GSG1L: variants seen among roughly 807,000 people sequenced by gnomAD.
GSG1L encodes GSG1 like.
Under a neutral mutation model 42.1 loss-of-function variants are expected in GSG1L, and 24 were observed. The observed-to-expected ratio is 0.57, with a 90% confidence interval of 0.41 to 0.80. GSG1L has a LOEUF of 0.80. Among genes scored for constraint, GSG1L ranks in the 30% least tolerant of loss-of-function variants. GSG1L has a pLI of 0.00. For missense variants in GSG1L, 445 were observed against 472.2 expected, an observed-to-expected ratio of 0.94 and a Z score of 0.53; for synonymous variants, 215 against 203.5, an observed-to-expected ratio of 1.06 and a Z score of -0.48.
At chr16:27,813,725 C>T (rs2083060085) in intron 5 of GSG1L, among the ~76,000 whole-genome samples, 1 of 152,218 alleles carries the variant, frequency 6.6e-6, no homozygotes, top group Non-Finnish European at 1.5e-5. Context: ...TAGGGCTTGG[C>T]AGTGGTTCTG....
intron 1 of GSG1L, among the ~76,000 whole-genome samples, chr16:27,977,234 T>C (rs1252349338): frequency 2.6e-5 from 4 of 152,106 alleles, no homozygotes; most frequent in African/African-American, 9.7e-5. Context: ...TGGACTTAAG[T>C]CCTTATCTGT....
At chr16:27,921,797 T>C (rs371113490) in intron 2 of GSG1L, among the ~76,000 whole-genome samples, 2 of 152,262 alleles carry the variant, frequency 1.3e-5, no homozygotes, top group South Asian at 2.1e-4. Context: ...GGCAGCCCCT[T>C]CTCAAGTTGA....
intron 1 of GSG1L, among the ~76,000 whole-genome samples, chr16:28,042,172 G>A (rs1471301697): frequency 2.0e-5 from 3 of 152,072 alleles, no homozygotes; most frequent in East Asian, 1.9e-4. Context: ...GCAGTGGTTC[G>A]TGCCTGTAAT....
intron 4 of GSG1L, among the ~76,000 whole-genome samples, chr16:27,837,372 A>G (rs1489045749): frequency 6.6e-6 from 1 of 151,964 alleles, no homozygotes; most frequent in East Asian, 1.9e-4. Context: ...GATTTGTACA[A>G]GCCTAACCAT....
chr16:27,929,655 A>C (rs2084634309), intron 2 of GSG1L, among the ~76,000 whole-genome samples: 1 of 152,166 alleles, frequency 6.6e-6, no homozygotes, highest in Non-Finnish European at 1.5e-5. Context: ...GAGCCCATAA[A>C]TTCCCTTTTT....
intron 1 of GSG1L, among the ~76,000 whole-genome samples, chr16:28,038,565 T>C (rs943261466): frequency 5.9e-5 from 9 of 152,112 alleles, no homozygotes; most frequent in Admixed American, 2.6e-4. Context: ...AGTGTGGAAT[T>C]GGTACTACGG....
intron 4 of GSG1L, among the ~76,000 whole-genome samples, chr16:27,838,101 T>C (rs185652661): frequency 1.3e-5 from 2 of 152,360 alleles, no homozygotes; most frequent in East Asian, 3.9e-4. Context: ...TGTTTGTTTT[T>C]TAAGATTATC....
Position 27,818,087 on chromosome 16 carries a change from C to T in GSG1L, c.831-10533G>A, listed in dbSNP as rs557475940. Among the ~76,000 whole-genome samples, 143 of 152,326 alleles carry T rather than the reference C, an allele frequency of 9.4e-4. 1 individual carries two copies. The highest frequency in any genetic ancestry group is 5.9e-3 in the Admixed American group (90 of 15,304). On this transcript the variant is annotated intron_variant, in intron 5 of 6. Transcript: ENST00000447459. ...TGAGCAGGCTTCCAGGTGAGGCCAG[C>T]GCTGCTGGGTCCAGGCTTTGGCCAG...
chr16:27,973,121 T>C (rs2085211664), intron 1 of GSG1L, among the ~76,000 whole-genome samples: 1 of 152,084 alleles, frequency 6.6e-6, no homozygotes, highest in South Asian at 2.1e-4. Context: ...AGACTCAACA[T>C]GGGCAAAGAG....
At chr16:27,999,310 G>C (rs925524511) in intron 1 of GSG1L, among the ~76,000 whole-genome samples, 1 of 152,090 alleles carries the variant, frequency 6.6e-6, no homozygotes, top group Non-Finnish European at 1.5e-5. Flanking sequence ...GTGTGTGGTG[G>C]TGCATGCCTG....
intron 2 of GSG1L, among the ~76,000 whole-genome samples, chr16:27,953,160 G>A (rs1459158051): frequency 6.6e-6 from 1 of 152,144 alleles, no homozygotes; most frequent in African/African-American, 2.4e-5. Flanking sequence ...CATGATTACA[G>A]CTCACTGCAA....
intron 5 of GSG1L, among the ~76,000 whole-genome samples, chr16:27,810,972 A>C (rs779673060): frequency 6.6e-6 from 1 of 152,084 alleles, no homozygotes; most frequent in African/African-American, 2.4e-5. Flanking sequence ...ACAGGTGTGA[A>C]CCACCACGCC....
chr16:27,927,466 C>T (rs1211439968), intron 2 of GSG1L, among the ~76,000 whole-genome samples: 2 of 152,098 alleles, frequency 1.3e-5, no homozygotes, highest in East Asian at 1.9e-4. Flanking sequence ...TCACCTGGAC[C>T]GGCCTCACCT....
intron 3 of GSG1L, among the ~76,000 whole-genome samples, chr16:27,849,448 G>A (rs533992927): frequency 6.6e-5 from 10 of 152,268 alleles, no homozygotes; most frequent in East Asian, 3.9e-4. Context: ...AGGTAAGCCC[G>A]GCTGACAGGC....
At chr16:27,881,301 G>A (rs1355006113) in intron 3 of GSG1L, among the ~76,000 whole-genome samples, 2 of 135,802 alleles carry the variant, frequency 1.5e-5, no homozygotes, top group Non-Finnish European at 3.0e-5. Flanking sequence ...GAGTGCAGCT[G>A]TGCGATCTCG....
intron 1 of GSG1L, among the ~76,000 whole-genome samples, chr16:28,035,915 G>C (rs1275824007): frequency 6.6e-6 from 1 of 152,180 alleles, no homozygotes; most frequent in Non-Finnish European, 1.5e-5. Flanking sequence ...TAATCCATGT[G>C]GGATTCATTT....
At chr16:27,860,286 G>A (rs965645196) in intron 3 of GSG1L, among the ~76,000 whole-genome samples, 14 of 152,198 alleles carry the variant, frequency 9.2e-5, no homozygotes, top group African/African-American at 3.1e-4. Context: ...CACAGGCTCA[G>A]CCCTGCCCTC....
chr16:27,801,394 T>A (rs1193091243), intron 6 of GSG1L, among the ~76,000 whole-genome samples: 1 of 152,220 alleles, frequency 6.6e-6, no homozygotes, highest in East Asian at 1.9e-4. Context: ...AGAGAAGTGC[T>A]TAGCACAGAC....
chr16:27,834,869 C>T (rs2083306987), intron 4 of GSG1L, among the ~76,000 whole-genome samples: 1 of 152,126 alleles, frequency 6.6e-6, no homozygotes, highest in East Asian at 1.9e-4. Context: ...AAAGAACCAG[C>T]TTTTTTGTTT....
Sources: allele counts gnomAD v4.1 joint callset (sites outside exome capture counted in the v4.1 genomes callset), GRCh38; gene constraint gnomAD v4.1.1; transcripts MANE v1.5; gene names NCBI Gene and HGNC (gene_info 2026-07-23, HGNC 2026-07-21).